EBF1: variants seen among roughly 807,000 people sequenced by gnomAD.
EBF1 encodes EBF transcription factor 1.
Under a neutral mutation model 68.4 loss-of-function variants are expected in EBF1, and 10 were observed. The ratio of observed to expected loss-of-function variants is 0.15; its 90% CI spans 0.09 to 0.25. The LOEUF is 0.25. Ranked by LOEUF, EBF1 falls within the 10% of genes least tolerant of loss-of-function variation. The pLI, the probability that EBF1 is intolerant of heterozygous loss-of-function variation, is 1.00. For missense variants in EBF1, 509 were observed against 794.4 expected (o/e 0.64, Z 4.32); for synonymous variants, 298 against 299.8 (o/e 0.99, Z 0.06).
chr5:159,061,650 C>A (rs1467155418), intron 6 of EBF1, among the ~76,000 whole-genome samples: 2 of 152,132 alleles, frequency 1.3e-5, no homozygotes, highest in African/African-American at 4.8e-5. Context: ...CCCCCAGTGT[C>A]CGGCTCGGAA....
chr5:158,763,307 C>G (rs1056406910), intron 10 of EBF1, among the ~76,000 whole-genome samples: 18 of 152,110 alleles, frequency 1.2e-4, no homozygotes, highest in Non-Finnish European at 1.8e-4. Context: ...CCAAATGGAC[C>G]CAGGGAATAT....
chr5:159,040,823 A>G (rs1442591779), intron 6 of EBF1, among the ~76,000 whole-genome samples: 2 of 152,236 alleles, frequency 1.3e-5, no homozygotes, highest in Non-Finnish European at 2.9e-5. Flanking sequence ...TTTTCACAGC[A>G]TATGAATCTA....
intron 14 of EBF1, among the ~76,000 whole-genome samples, chr5:158,711,045 G>A (rs1404844750): frequency 6.6e-6 from 1 of 152,184 alleles, no homozygotes; most frequent in Non-Finnish European, 1.5e-5. Context: ...AAATGTTTTT[G>A]TAGGCAAACT....
intron 6 of EBF1, among the ~76,000 whole-genome samples, chr5:159,031,420 C>A (rs767535844): frequency 6.6e-6 from 1 of 152,150 alleles, no homozygotes; most frequent in East Asian, 1.9e-4. Flanking sequence ...CCCATCTCCA[C>A]CAGGCTTTCT....
chr5:158,953,762 T>C (rs1489603337), intron 6 of EBF1, among the ~76,000 whole-genome samples: 1 of 152,154 alleles, frequency 6.6e-6, no homozygotes, highest in Non-Finnish European at 1.5e-5. Context: ...GGGCTGGAAG[T>C]TCTCAGGAGC....
intron 1 of EBF1, 114 bp downstream of exon 1, chr5:159,099,231 G>GACTCACCCCGCCGCCCGGCCCCGC (rs1783195987): frequency 1.2e-6 from 1 of 824,512 alleles, no homozygotes; most frequent in African/African-American, 1.8e-5. Context: ...AGCGGCTGCG[G>GACTCACCCCGCCGCCCGGCCCCGC]ACTCACCCCG....
intron 15 of EBF1, among the ~76,000 whole-genome samples, chr5:158,704,270 G>T (rs1191124535): frequency 6.6e-6 from 1 of 152,174 alleles, no homozygotes; most frequent in Non-Finnish European, 1.5e-5. Flanking sequence ...CTTAGTTCTT[G>T]GGGAATAAAT....
intron 6 of EBF1, among the ~76,000 whole-genome samples, chr5:158,913,396 C>G (rs1806441284): frequency 6.6e-6 from 1 of 152,206 alleles, no homozygotes; most frequent in African/African-American, 2.4e-5. Flanking sequence ...GGACATTTCA[C>G]TTGACTTAAC....
chr5:158,990,571 A>C (rs1218985384), intron 6 of EBF1, among the ~76,000 whole-genome samples: 1 of 152,218 alleles, frequency 6.6e-6, no homozygotes, highest in Non-Finnish European at 1.5e-5. Context: ...TTGGCTTTGA[A>C]AACTAATGTG....
chr5:159,002,344 G>T (rs1348734979), intron 6 of EBF1, among the ~76,000 whole-genome samples: 1 of 151,966 alleles, frequency 6.6e-6, no homozygotes, highest in Non-Finnish European at 1.5e-5. Flanking sequence ...AAAGTATTTT[G>T]CCAATGAAAG....
chr5:158,852,259 G>T (rs914937692), intron 6 of EBF1, among the ~76,000 whole-genome samples: 3 of 151,846 alleles, frequency 2.0e-5, no homozygotes, highest in African/African-American at 7.3e-5. Context: ...TCTTGCTAAG[G>T]ATGAAAAGTA....
chr5:158,783,187 C>T (rs1416105410), intron 9 of EBF1, among the ~76,000 whole-genome samples: 1 of 152,108 alleles, frequency 6.6e-6, no homozygotes, highest in African/African-American at 2.4e-5. Flanking sequence ...GTGTAAATGT[C>T]CCAAACTTGC....
At chr5:158,988,902 T>C (rs186441535) in intron 6 of EBF1, among the ~76,000 whole-genome samples, 34 of 152,364 alleles carry the variant, frequency 2.2e-4, no homozygotes, top group South Asian at 1.7e-3. Context: ...GCCTTCACTC[T>C]TTGCCTCATT....
Position 158,698,751 on chromosome 5 carries a change from G to A in EBF1, c.*360C>T, listed in dbSNP as rs1756159799. 1 of 219,744 alleles carries A rather than the reference G, an allele frequency of 4.6e-6. No individual in the cohort carries two copies. The highest frequency in any genetic ancestry group is 8.7e-6 in the Non-Finnish European group (1 of 115,532). 13.6% of individuals were successfully genotyped at this position (219,744 alleles called of 1,614,324 possible). A position where few individuals can be genotyped will look rare whatever the true frequency, so the allele number is the denominator to read the frequency against. On this transcript the variant is annotated 3_prime_UTR_variant, in exon 16 of 16. Coordinates refer to ENST00000313708, the MANE Select transcript of EBF1 (RefSeq NM_024007.5). ...AAAACATCATAAATTAAAACATGGA[G>A]TCTTATTTATAGTGTCCCTTGTATA... is the stretch of plus-strand genomic sequence containing the variant.
At chr5:158,765,629 A>C (rs1040898618) in intron 10 of EBF1, among the ~76,000 whole-genome samples, 1 of 152,152 alleles carries the variant, frequency 6.6e-6, no homozygotes, top group African/African-American at 2.4e-5. Context: ...TACATGTGCC[A>C]GGTTGAACAG....
intron 5 of EBF1, 182 bp from the exon 6 acceptor site, chr5:159,073,646 G>T: frequency 1.6e-6 from 1 of 610,630 alleles, no homozygotes; most frequent in East Asian, 2.8e-5. Context: ...TAATGGCCAG[G>T]CTTAACCTCT....
At chr5:158,922,773 T>C (rs1453431134) in intron 6 of EBF1, among the ~76,000 whole-genome samples, 1 of 152,248 alleles carries the variant, frequency 6.6e-6, no homozygotes, top group Non-Finnish European at 1.5e-5. Flanking sequence ...CTGTTCAGGT[T>C]ATTGTCACTT....
chr5:158,981,476 G>A (rs772183566), intron 6 of EBF1, among the ~76,000 whole-genome samples: 1 of 152,058 alleles, frequency 6.6e-6, no homozygotes. Flanking sequence ...TTGTGAAGAG[G>A]TTCTCTCTGC....
chr5:159,071,434 C>A (rs1028886593), intron 6 of EBF1, among the ~76,000 whole-genome samples: 1 of 152,216 alleles, frequency 6.6e-6, no homozygotes, highest in Non-Finnish European at 1.5e-5. Flanking sequence ...AAAGTGCATA[C>A]TTATTTTGCC....
Sources: gnomAD v4.1 joint callset for allele counts (sites outside exome capture counted in the v4.1 genomes callset) on GRCh38, gnomAD v4.1.1 for gene constraint, MANE v1.5 for transcripts, NCBI Gene and HGNC (gene_info 2026-07-23, HGNC 2026-07-21) for gene names.